The following MGRN1 variants were observed in gnomAD, a reference collection of about 807,000 sequenced individuals.
MGRN1 encodes the protein mahogunin ring finger 1.
Under a neutral mutation model 69.2 loss-of-function variants are expected in MGRN1, and 29 were observed. That is an observed-to-expected ratio of 0.42 (90% CI 0.31 to 0.57). The LOEUF (loss-of-function observed/expected upper bound fraction) is 0.57. Among genes scored for constraint, MGRN1 ranks in the 20% least tolerant of loss-of-function variants. The pLI, the probability that MGRN1 is intolerant of heterozygous loss-of-function variation, is 0.15. For synonymous variants in MGRN1, 470 were observed against 344.2 expected (o/e 1.37, Z -4.04); for missense variants, 998 against 796.2 (o/e 1.25, Z -3.05).
At chr16:4,684,004 G>T in intron 16 of MGRN1, 72 bp downstream of exon 16, 9 of 1,326,464 alleles carry the variant, frequency 6.8e-6, no homozygotes, top group Non-Finnish European at 8.4e-6. Flanking sequence ...GCCCTGCTCT[G>T]ATGGTCGGTG....
chr16:4,664,488 G>T, intron 5 of MGRN1: 1 of 590,132 alleles, frequency 1.7e-6, no homozygotes, highest in East Asian at 2.8e-5. Context: ...CTGTTGAAAC[G>T]TAGTTAAAAT....
chr16:4,656,679 G>A lies in MGRN1; in HGVS notation c.444-567G>A, dbSNP rs901210311. 2.0e-5 allele frequency among the ~76,000 whole-genome samples: 3 copies of A among 152,102 alleles called. No individual in the cohort carries two copies. The South Asian group carries it at 6.2e-4, about 32-fold the overall frequency. On this transcript the variant is annotated intron_variant, in intron 4 of 16. Transcript: ENST00000262370. The stretch of plus-strand genomic sequence containing the variant: ...GTGCATCACTTGAGGTCAGGAGTTC[G>A]AGACCAGCTTGGCCAACATGGTGAA...
intron 1 of MGRN1, among the ~76,000 whole-genome samples, chr16:4,629,065 G>A (rs968994286): frequency 6.6e-5 from 10 of 151,794 alleles, no homozygotes; most frequent in Admixed American, 1.3e-4. Flanking sequence ...TCGAACTCCC[G>A]ACCTCAGGTG....
At chr16:4,642,120 C>G (rs1390703939) in intron 1 of MGRN1, among the ~76,000 whole-genome samples, 2 of 126,416 alleles carry the variant, frequency 1.6e-5, no homozygotes, top group African/African-American at 6.1e-5. Context: ...CAGCATATGA[C>G]TTGGTTCCTT....
intron 8 of MGRN1, among the ~76,000 whole-genome samples, chr16:4,668,780 TCATA>T (rs1226968177): frequency 6.8e-6 from 1 of 147,970 alleles, no homozygotes; most frequent in East Asian, 2.0e-4. Context: ...ACATAGACAT[TCATA>T]CACATATACA....
intron 5 of MGRN1, among the ~76,000 whole-genome samples, chr16:4,658,109 C>G (rs1057208003): frequency 6.6e-6 from 1 of 151,932 alleles, no homozygotes; most frequent in African/African-American, 2.4e-5. Flanking sequence ...TTGCTAGTTG[C>G]TCCTCCTAGG....
chr16:4,666,953 G>A (rs1352538615), intron 7 of MGRN1, among the ~76,000 whole-genome samples: 1 of 152,224 alleles, frequency 6.6e-6, no homozygotes, highest in African/African-American at 2.4e-5. Flanking sequence ...TGAGAACCTG[G>A]CGGAGGTGGT....
At position 4,646,972 on chromosome 16, in the gene MGRN1, C is replaced by T. The variant is rs377115425; in HGVS notation, c.89-3393C>T. Among the ~76,000 whole-genome samples the T allele has an allele frequency of 2.6e-5, 4 of 152,206 alleles. No individual in the cohort carries two copies. In the East Asian group the frequency reaches 7.7e-4, roughly 29 times the overall value. ...GAGTGTCCCTCCAGACCAAGGCTGC[C>T]CGGCCTTCTGGACCCCACCTCAGTA... On this transcript the variant is annotated intron_variant, in intron 1 of 16. Coordinates refer to ENST00000262370, the MANE Select transcript of MGRN1 (RefSeq NM_015246.4).
chr16:4,687,020 C>G, intron 16 of MGRN1: 2 of 985,634 alleles, frequency 2.0e-6, no homozygotes, highest in African/African-American at 1.7e-5. Context: ...CTCCCCCGCT[C>G]CCTCCTTCCC....
rs538705244 is a variant in MGRN1, at chr16:4,686,682, C to T, written c.1619-2114C>T. On this transcript the variant is annotated intron_variant, in intron 16 of 16. Transcript: ENST00000262370. ...GGAGCTTGAGGGATGAGGGCAGCAC[C>T]GTGGAGGGAACCCCAGGGAGACATG... 151 of 1,052,628 alleles carry T rather than the reference C, an allele frequency of 1.4e-4. No individual in the cohort carries two copies. The African/African-American group carries it at 1.7e-3, about 12-fold the overall frequency. The allele number at this position is 1,052,628 out of a possible 1,614,324, so 65.2% of individuals were successfully genotyped here.
Position 4,625,060 on chromosome 16 carries a change from GC to G in MGRN1, c.88+16del. The G allele has an allele frequency of 6.5e-7, 1 of 1,533,274 alleles. No individual in the cohort carries two copies. Among genetic ancestry groups the G allele is most frequent in the Non-Finnish European group, 8.8e-7 (1 of 1,142,684 alleles). The allele number at this position is 1,533,274 out of a possible 1,614,324, so 95.0% of individuals were successfully genotyped here. A position where few individuals can be genotyped will look rare whatever the true frequency, so the allele number is the denominator to read the frequency against. Reference sequence around the variant, plus strand: ...CCCTCCGAAGTCCGGTGAGCGCCCGGCCCCAGGCGCGGACTGCTAGGCACGC... The same window carrying G: ...CCCTCCGAAGTCCGGTGAGCGCCCGGCCCAGGCGCGGACTGCTAGGCACGC... On this transcript the variant is annotated intron_variant, in intron 1 of 16. Transcript: ENST00000262370.
chr16:4,625,326 AG>A (rs1444866073), intron 1 of MGRN1, among the ~76,000 whole-genome samples: 4 of 152,092 alleles, frequency 2.6e-5, no homozygotes, highest in Non-Finnish European at 4.4e-5. Context: ...TCCTTGCAAC[AG>A]GGGGGAGCTC....
chr16:4,677,645 A>G (rs1003367599), intron 11 of MGRN1, 73 bp downstream of exon 11: 1 of 1,413,844 alleles, frequency 7.1e-7, no homozygotes, highest in Non-Finnish European at 9.8e-7. Context: ...CAAGGCCCAG[A>G]CGGTCCAGCC....
At chr16:4,673,117 C>A (rs1567223535) in intron 9 of MGRN1, among the ~76,000 whole-genome samples, 1 of 152,292 alleles carries the variant, frequency 6.6e-6, no homozygotes, top group South Asian at 2.1e-4. Context: ...GGATTACAGG[C>A]GTGAGCCACC....
At position 4,673,170 on chromosome 16, in the gene MGRN1, G is replaced by C. The variant is rs867597571; in HGVS notation, c.796-328G>C. On this transcript the variant is annotated intron_variant, in intron 9 of 16. Coordinates refer to ENST00000262370, the MANE Select transcript of MGRN1 (RefSeq NM_015246.4). ...TGGTTTTTTTTAAACCAAAGATAAC[G>C]GGTACCCTGACCCTCAGGAAGATGT... 2.6e-5 allele frequency among the ~76,000 whole-genome samples: 4 copies of C among 152,102 alleles called. No individual in the cohort carries two copies. In the East Asian group the frequency reaches 7.7e-4, roughly 29 times the overall value.
chr16:4,638,674 C>G (rs112987014), intron 1 of MGRN1, among the ~76,000 whole-genome samples: 1 of 152,206 alleles, frequency 6.6e-6, no homozygotes, highest in African/African-American at 2.4e-5. Flanking sequence ...TGATCTTGTG[C>G]AGGTCTGGCC....
rs749601050 is a variant in MGRN1 at position 4,651,965 on chromosome 16, T to G, written c.210T>G (p.Phe70Leu). ...LNFLGSRPVQFPYVTPAPHEP... is the reference protein window; with the variant it reads ...LNFLGSRPVQLPYVTPAPHEP... Reference sequence around the variant, plus strand: ...GGGCCCTGTGGTTTTTCTCCTAGTTTCCCTACGTCACTCCTGCCCCCCACG... The same window carrying G: ...GGGCCCTGTGGTTTTTCTCCTAGTTGCCCTACGTCACTCCTGCCCCCCACG... The change falls in exon 3 of 17, where the codon TTT becomes TTG. Residue 70 changes from phenylalanine to leucine, a missense_variant and splice_region_variant. Transcript: ENST00000262370. The G allele has an allele frequency of 1.9e-5, 30 of 1,613,718 alleles. No homozygotes were observed. Among genetic ancestry groups the G allele is most frequent in the Middle Eastern group, 3.3e-4 (2 of 6,080 alleles).
At chr16:4,646,057 G>A (rs958684909) in intron 1 of MGRN1, among the ~76,000 whole-genome samples, 2 of 152,204 alleles carry the variant, frequency 1.3e-5, no homozygotes, top group African/African-American at 4.8e-5. Context: ...GCTTAGCACA[G>A]TGAGCACTTC....
intron 16 of MGRN1, chr16:4,686,695 C>A: frequency 9.7e-7 from 1 of 1,034,934 alleles, no homozygotes; most frequent in South Asian, 4.2e-5. Context: ...GGAGGGAACC[C>A]CAGGGAGACA....
Sources: allele counts gnomAD v4.1 joint callset (sites outside exome capture counted in the v4.1 genomes callset), GRCh38; gene constraint gnomAD v4.1.1; transcripts MANE v1.5; gene names NCBI Gene and HGNC (gene_info 2026-07-23, HGNC 2026-07-21).